The following ARL5B variants were observed in gnomAD, a reference collection of about 807,000 sequenced individuals.
The protein encoded by ARL5B is ARF like GTPase 5B.
A neutral mutation model predicts 26.9 loss-of-function variants in ARL5B; 10 were observed. That is an observed-to-expected ratio of 0.37 (90% CI 0.23 to 0.63). The LOEUF is 0.63. ARL5B is among the 30% of genes least tolerant of loss of function. The pLI, the probability that ARL5B is intolerant of heterozygous loss-of-function variation, is 0.62. For missense variants in ARL5B, 167 were observed against 213.9 expected (o/e 0.78, Z 1.37); for synonymous variants, 87 against 70.4 (o/e 1.24, Z -1.18).
chr10:18,670,846 G>GAT (rs2059883933), intron 3 of ARL5B, among the ~76,000 whole-genome samples: 3 of 152,158 alleles, frequency 2.0e-5, no homozygotes, highest in Admixed American at 6.5e-5. Context: ...TCCAGAAAGA[G>GAT]ATATCCATTA....
chr10:18,668,933 C>G (rs1038286427), intron 3 of ARL5B, among the ~76,000 whole-genome samples: 2 of 152,050 alleles, frequency 1.3e-5, no homozygotes, highest in South Asian at 2.1e-4. Context: ...CCACACCCGG[C>G]TAATTTTTGT....
intron 2 of ARL5B, 117 bp from the exon 3 acceptor site, chr10:18,668,413 T>C: frequency 9.6e-7 from 1 of 1,042,214 alleles, no homozygotes; most frequent in Non-Finnish European, 1.4e-6. Context: ...ATAATTTTCA[T>C]GCTAATGATC....
At chr10:18,670,538 G>A (rs2059882368) in intron 3 of ARL5B, among the ~76,000 whole-genome samples, 1 of 152,184 alleles carries the variant, frequency 6.6e-6, no homozygotes, top group African/African-American at 2.4e-5. Flanking sequence ...TTGAACCTGG[G>A]AGGCGGAGGT....
chr10:18,667,872 G>A (rs527417961), intron 2 of ARL5B, among the ~76,000 whole-genome samples: 35 of 151,978 alleles, frequency 2.3e-4, no homozygotes, highest in Non-Finnish European at 4.9e-4. Flanking sequence ...CCACCACCAC[G>A]CCCTGCAAAT....
intron 1 of ARL5B, among the ~76,000 whole-genome samples, chr10:18,665,571 A>G (rs1249708033): frequency 6.6e-6 from 1 of 152,144 alleles, no homozygotes; most frequent in Non-Finnish European, 1.5e-5. Flanking sequence ...CAGAGTAGGA[A>G]TATGAGCTGA....
intron 5 of ARL5B, among the ~76,000 whole-genome samples, 192 bp from the exon 6 acceptor site, chr10:18,674,976 C>A (rs193274633): frequency 5.3e-4 from 81 of 152,198 alleles, no homozygotes; most frequent in African/African-American, 1.8e-3. Context: ...TTCCCACAAA[C>A]TGATTAAGAA....
chr10:18,677,561 C>T lies in ARL5B; in HGVS notation c.*2345C>T, dbSNP rs12765026. 32,331 of 151,932 alleles carry T rather than the reference C, an allele frequency of 0.21. 3,761 individuals carry two copies. Among genetic ancestry groups the T allele is most frequent in the South Asian group, 0.31 (1,494 of 4,820 alleles). The allele number at this position is 151,932 out of a possible 1,614,324, so 9.4% of individuals were successfully genotyped here. A position where few individuals can be genotyped will look rare whatever the true frequency, so the allele number is the denominator to read the frequency against. On this transcript the variant is annotated 3_prime_UTR_variant, in exon 6 of 6. Transcript: ENST00000377275. ...TAGGTTTTCACTCAATCTTTCCTGTCACAGTAACGTGAAAACTGATTATTC... is the reference window on the plus strand; with the variant it reads ...TAGGTTTTCACTCAATCTTTCCTGTTACAGTAACGTGAAAACTGATTATTC...
Position 18,672,603 on chromosome 10 carries a change from C to T in ARL5B, c.256-19C>T. On this transcript the variant is annotated intron_variant, in intron 3 of 5. Transcript: ENST00000377275. Reference sequence around the variant, plus strand: ...GCATCCCATTCAATTTTCTGTCTTTCCTTTTAATTTTCTTCTAGTTCATCA... The same window carrying T: ...GCATCCCATTCAATTTTCTGTCTTTTCTTTTAATTTTCTTCTAGTTCATCA... 1 of 1,585,520 alleles carries T rather than the reference C, an allele frequency of 6.3e-7. No homozygotes were observed. The highest frequency in any genetic ancestry group is 8.6e-7 in the Non-Finnish European group (1 of 1,162,188).
In ARL5B at chr10:18,659,436, G is replaced by A; in HGVS notation, c.-202G>A. 3.2e-6 allele frequency: 2 copies of A among 633,804 alleles called. No individual in the cohort carries two copies. Among genetic ancestry groups the A allele is most frequent in the South Asian group, 4.3e-5 (2 of 46,298 alleles). The allele number at this position is 633,804 out of a possible 1,614,324, so 39.3% of individuals were successfully genotyped here. A position where few individuals can be genotyped will look rare whatever the true frequency, so the allele number is the denominator to read the frequency against. ...TACGGGTCGGCGTTGGGCTCAGTGGGCTCGAAACAAAGGGCTGTCCGGTGG... is the reference window on the plus strand; with the variant it reads ...TACGGGTCGGCGTTGGGCTCAGTGGACTCGAAACAAAGGGCTGTCCGGTGG... On this transcript the variant is annotated 5_prime_UTR_variant, in exon 1 of 6. Transcript: ENST00000377275.
chr10:18,665,279 G>T (rs939222910), intron 1 of ARL5B, among the ~76,000 whole-genome samples: 2 of 152,174 alleles, frequency 1.3e-5, no homozygotes, highest in Non-Finnish European at 1.5e-5. Flanking sequence ...GGTCGAGGCT[G>T]CAGTGATCAT....
Position 18,675,460 on chromosome 10 carries a change from T to TA in ARL5B, c.*244_*245insA. On this transcript the variant is annotated 3_prime_UTR_variant, in exon 6 of 6. Coordinates refer to ENST00000377275, the MANE Select transcript of ARL5B (RefSeq NM_178815.5). ...ACTATGTTTTCAGCAACAATTCTTC[T>TA]GTTTATTCTAATTAATCAGTGACTG... 1 of 444,114 alleles carries TA rather than the reference T, an allele frequency of 2.3e-6. No homozygotes were observed. Among genetic ancestry groups the TA allele is most frequent in the Non-Finnish European group, 4.1e-6 (1 of 245,366 alleles). The allele number at this position is 444,114 out of a possible 1,614,324, so 27.5% of individuals were successfully genotyped here.
At chr10:18,661,100 C>T (rs780583878) in intron 1 of ARL5B, among the ~76,000 whole-genome samples, 38 of 152,300 alleles carry the variant, frequency 2.5e-4, no homozygotes, top group Non-Finnish European at 4.4e-5. Flanking sequence ...CTACCCACCT[C>T]GGCCTCCCAA....
At chr10:18,661,101 G>A (rs2059833656) in intron 1 of ARL5B, among the ~76,000 whole-genome samples, 1 of 152,114 alleles carries the variant, frequency 6.6e-6, no homozygotes, top group African/African-American at 2.4e-5. Context: ...TACCCACCTC[G>A]GCCTCCCAAA....
chr10:18,660,036 T>A, intron 1 of ARL5B: 2 of 828,910 alleles, frequency 2.4e-6, no homozygotes, highest in Non-Finnish European at 2.9e-6. Flanking sequence ...ATCCCCAGGA[T>A]AAGTGTCCGC....
chr10:18,659,901 C>T (rs963653232), intron 1 of ARL5B: 4 of 985,196 alleles, frequency 4.1e-6, no homozygotes, highest in East Asian at 1.1e-4. Flanking sequence ...AGGTATTTGG[C>T]GTCCCAGAAT....
chr10:18,671,009 C>A (rs140456407), intron 3 of ARL5B, among the ~76,000 whole-genome samples: 1 of 152,050 alleles, frequency 6.6e-6, no homozygotes, highest in African/African-American at 2.4e-5. Flanking sequence ...CATTATAATA[C>A]AAGAAGTTAC....
intron 1 of ARL5B, chr10:18,659,912 C>T (rs10829151): frequency 0.36 from 354,690 of 984,958 alleles, 64,933 homozygotes; most frequent in East Asian, 0.73. Context: ...GTCCCAGAAT[C>T]CAAACTGAGA....
At position 18,676,278 on chromosome 10, in the gene ARL5B, G is replaced by A. The variant is rs1052985952; in HGVS notation, c.*1062G>A. 1 of 152,356 alleles carries A rather than the reference G, an allele frequency of 6.6e-6. No homozygotes were observed. Among genetic ancestry groups the A allele is most frequent in the Non-Finnish European group, 1.5e-5 (1 of 67,878 alleles). The allele number at this position is 152,356 out of a possible 1,614,324, so 9.4% of individuals were successfully genotyped here. ...TGGCTTTCCTTGAATTTATTTGACGGTATTATGTAATAGACTTGAAACAAT... is the reference window on the plus strand; with the variant it reads ...TGGCTTTCCTTGAATTTATTTGACGATATTATGTAATAGACTTGAAACAAT... On this transcript the variant is annotated 3_prime_UTR_variant, in exon 6 of 6. Coordinates refer to ENST00000377275, the MANE Select transcript of ARL5B (RefSeq NM_178815.5).
Position 18,669,222 on chromosome 10 carries a change from C to T in ARL5B, c.255+545C>T, listed in dbSNP as rs185160981. Among the ~76,000 whole-genome samples, 345 of 152,128 alleles carry T rather than the reference C, an allele frequency of 2.3e-3. 3 individuals carry two copies. The highest frequency in any genetic ancestry group is 7.9e-3 in the African/African-American group (327 of 41,482). ...GTTTGGAGCTATTATTACTTGAGTG[C>T]TTACTGTTTGGCCAGGTTCTCTCCA... On this transcript the variant is annotated intron_variant, in intron 3 of 5. Transcript: ENST00000377275.
Sources: gnomAD v4.1 joint callset for allele counts (sites outside exome capture counted in the v4.1 genomes callset) on GRCh38, gnomAD v4.1.1 for gene constraint, MANE v1.5 for transcripts, NCBI Gene and HGNC (gene_info 2026-07-23, HGNC 2026-07-21) for gene names.